ERAP1: variants seen among roughly 807,000 people sequenced by gnomAD.
The protein encoded by ERAP1 is endoplasmic reticulum aminopeptidase 1.
In ERAP1, 86 loss-of-function variants were observed where a neutral mutation model predicts 103.7. The observed-to-expected ratio is 0.83, with a 90% CI of 0.70 to 0.99. The LOEUF is 0.99. Among genes scored for constraint, ERAP1 ranks in the 50% least tolerant of loss-of-function variants. The probability of loss-of-function intolerance (pLI) is 0.00; values close to 1 mark genes in which losing one functional copy is unlikely to be tolerated. For missense variants in ERAP1, 1,009 were observed against 1,128.4 expected (o/e 0.89, Z 1.52); for synonymous variants, 398 against 402.4 (o/e 0.99, Z 0.13).
downstream of ERAP1, chr5:96,773,872 C>T (rs1001533134): frequency 6.6e-6 from 1 of 152,254 alleles, no homozygotes; most frequent in African/African-American, 2.4e-5. Context: ...CAGTTTGAAG[C>T]TTTTGTTATG....
chr5:96,814,180 T>C, the ERAP1 span: 1 of 453,494 alleles, frequency 2.2e-6, no homozygotes, highest in Non-Finnish European at 4.4e-6. Flanking sequence ...GTTCCAGCAT[T>C]CCGTTCCTCA....
the ERAP1 span, among the ~76,000 whole-genome samples, chr5:96,873,084 G>C: frequency 6.6e-6 from 1 of 151,936 alleles, no homozygotes; most frequent in Non-Finnish European, 1.5e-5. Flanking sequence ...AGCTACCTGG[G>C]AGGCTGAGGC....
chr5:96,767,498 A>G, intron 19 of ERAP1: 1 of 1,606,824 alleles, frequency 6.2e-7, no homozygotes, highest in Non-Finnish European at 8.5e-7. Context: ...GACCATAGGA[A>G]CATATTTCCA....
chr5:96,899,994 C>A, the ERAP1 span: 1 of 1,132,372 alleles, frequency 8.8e-7, no homozygotes, highest in Non-Finnish European at 1.3e-6. Context: ...TTTTTATGTT[C>A]ATTATCATGT....
chr5:96,836,932 C>T, the ERAP1 span, among the ~76,000 whole-genome samples: 6 of 151,972 alleles, frequency 3.9e-5, 1 homozygote, highest in Admixed American at 2.0e-4. Context: ...AATAGTTAAG[C>T]CTTGAGGTCA....
rs79315029 is a variant in ERAP1 at position 96,761,370 on chromosome 5, A to G, written c.*1830T>C. ...TAATTTAGTACATTTTGGATTACCT[A>G]AAATATTACATTCTAAAACGGCTTT... On this transcript the variant is annotated 3_prime_UTR_variant, in exon 20 of 20. Transcript: ENST00000296754. 595 of 152,316 alleles carry G rather than the reference A, an allele frequency of 3.9e-3. 6 individuals are homozygous for G. The highest frequency in any genetic ancestry group is 0.014 in the African/African-American group (568 of 41,588). 9.4% of individuals were successfully genotyped at this position (152,316 alleles called of 1,614,324 possible).
chr5:96,915,842 T>C, the ERAP1 span: 4 of 1,287,566 alleles, frequency 3.1e-6, no homozygotes, highest in Non-Finnish European at 3.3e-6. Context: ...AACTTAGATA[T>C]AATCTGATTT....
chr5:96,850,070 A>G, the ERAP1 span, among the ~76,000 whole-genome samples: 12 of 152,172 alleles, frequency 7.9e-5, no homozygotes, highest in Non-Finnish European at 1.2e-4. Context: ...TTTTAACCTT[A>G]TCTCACCTCC....
At chr5:96,830,541 T>C in the ERAP1 span, among the ~76,000 whole-genome samples, 3 of 152,122 alleles carry the variant, frequency 2.0e-5, no homozygotes, top group South Asian at 2.1e-4. Context: ...GCAGTAAAAA[T>C]AAGTGAACTA....
chr5:96,879,767 A>G, the ERAP1 span: 1 of 1,614,222 alleles, frequency 6.2e-7, no homozygotes, highest in South Asian at 1.1e-5. Flanking sequence ...CTTAACAGCC[A>G]TCTTGCCCCA....
chr5:96,889,264 A>G, the ERAP1 span: 1 of 1,614,010 alleles, frequency 6.2e-7, no homozygotes, highest in Non-Finnish European at 8.5e-7. Context: ...CTTGATTTTT[A>G]TGAAAAGTAC....
rs1328093454 is a variant in ERAP1 at position 96,767,358 on chromosome 5, C to T, written c.2819-4130G>A. The T allele has an allele frequency of 8.8e-6, 10 of 1,133,320 alleles. No individual in the cohort carries two copies. In the Admixed American group the frequency reaches 1.9e-4, roughly 21 times the overall value. 70.2% of individuals were successfully genotyped at this position (1,133,320 alleles called of 1,614,324 possible). ...ATTTTATCCAAGTCAAGTCATGGGACAATAGATTCTCTACTGCCTAAACCT... is the reference window on the plus strand; with the variant it reads ...ATTTTATCCAAGTCAAGTCATGGGATAATAGATTCTCTACTGCCTAAACCT... On this transcript the variant is annotated intron_variant, in intron 19 of 19. Transcript: ENST00000296754.
the ERAP1 span, among the ~76,000 whole-genome samples, chr5:96,864,426 C>T: frequency 6.6e-6 from 1 of 152,064 alleles, no homozygotes; most frequent in African/African-American, 2.4e-5. Context: ...AATGAGTGTA[C>T]TTTCAAAATG....
chr5:96,777,472 G>C (rs530321273), intron 18 of ERAP1, among the ~76,000 whole-genome samples: 3 of 152,104 alleles, frequency 2.0e-5, no homozygotes, highest in Non-Finnish European at 4.4e-5. Context: ...AGTAGGAATG[G>C]GTTTTAGAAA....
At chr5:96,782,429 TG>T (rs1233482970) in intron 15 of ERAP1, among the ~76,000 whole-genome samples, 2 of 152,370 alleles carry the variant, frequency 1.3e-5, no homozygotes, top group Non-Finnish European at 2.9e-5. Context: ...ACTTTAATGA[TG>T]CTGGGTGACT....
upstream of ERAP1, among the ~76,000 whole-genome samples, chr5:96,811,099 T>C (rs531152955): frequency 7.2e-5 from 11 of 152,104 alleles, no homozygotes; most frequent in South Asian, 4.1e-4. Context: ...TTTTTTTAAA[T>C]GCCAATTTAA....
At chr5:96,783,844 CACACACACACAT>C (rs760087367) in intron 14 of ERAP1, 68 bp downstream of exon 14, 60,216 of 492,116 alleles carry the variant, frequency 0.12, 4,164 homozygotes, top group South Asian at 0.23. Flanking sequence ...CACACACACA[CACACACACACAT>C]ACACACACAA....
the ERAP1 span, chr5:96,822,945 T>C: frequency 2.4e-6 from 1 of 421,706 alleles, no homozygotes; most frequent in South Asian, 1.7e-5. Flanking sequence ...ACCTGAGGCA[T>C]GACTGGAGAG....
the ERAP1 span, chr5:96,935,474 A>G: frequency 6.5e-6 from 1 of 152,734 alleles, no homozygotes. Flanking sequence ...TCCGCGGCCA[A>G]CCTCCCCAGG....
Sources: gnomAD v4.1 joint callset for allele counts (sites outside exome capture counted in the v4.1 genomes callset) on GRCh38, gnomAD v4.1.1 for gene constraint, MANE v1.5 for transcripts, NCBI Gene and HGNC (gene_info 2026-07-23, HGNC 2026-07-21) for gene names.